PDE8B: variants seen among roughly 807,000 people sequenced by gnomAD.
The protein encoded by PDE8B is high affinity cAMP-specific and IBMX-insensitive 3',5'-cyclic phosphodiesterase 8B.
In PDE8B, 26 loss-of-function variants were observed where a neutral mutation model predicts 101.3. That is an observed-to-expected ratio of 0.26 (90% confidence interval 0.19 to 0.36). The LOEUF (loss-of-function observed/expected upper bound fraction) is 0.36. PDE8B is among the 10% of genes least tolerant of loss of function. The pLI is 1.00. For missense variants in PDE8B, 810 were observed against 1,163.1 expected (o/e 0.70, Z 4.42); for synonymous variants, 424 against 429.3 (o/e 0.99, Z 0.15).
intron 21 of PDE8B, 34 bp from the exon 22 acceptor site, chr5:77,426,411 A>C: frequency 2.1e-6 from 3 of 1,410,800 alleles, no homozygotes; most frequent in Non-Finnish European, 3.0e-6. Flanking sequence ...GTCTAAGTTC[A>C]CCGGTTTCTT....
chr5:77,282,980 G>A (rs900452367), intron 1 of PDE8B, among the ~76,000 whole-genome samples: 6 of 152,044 alleles, frequency 3.9e-5, no homozygotes, highest in African/African-American at 1.4e-4. Context: ...GCCCAGACCT[G>A]TCCAACCTGG....
the PDE8B span, among the ~76,000 whole-genome samples, chr5:77,102,689 C>A: frequency 6.6e-6 from 1 of 152,138 alleles, no homozygotes; most frequent in Non-Finnish European, 1.5e-5. Context: ...TAACAAAACC[C>A]TTGGGAGGCA....
the PDE8B span, among the ~76,000 whole-genome samples, chr5:77,097,732 T>TATATATATATATATATAC: frequency 6.1e-4 from 40 of 65,198 alleles, no homozygotes; most frequent in African/African-American, 1.5e-3. Context: ...TATATATATA[T>TATATATATATATATATAC]ACATACATAT....
intron 16 of PDE8B, 151 bp from the exon 17 acceptor site, chr5:77,412,960 C>A (rs1794848250): frequency 1.4e-6 from 1 of 713,354 alleles, no homozygotes. Flanking sequence ...AGAGATCCTA[C>A]CTCCTAATTT....
the PDE8B span, among the ~76,000 whole-genome samples, chr5:77,122,329 A>T: frequency 2.6e-5 from 4 of 152,224 alleles, no homozygotes; most frequent in Admixed American, 2.6e-4. Flanking sequence ...TCTTCATGGT[A>T]ATCAGAGTCG....
At chr5:77,152,821 G>C in the PDE8B span, among the ~76,000 whole-genome samples, 1 of 152,180 alleles carries the variant, frequency 6.6e-6, no homozygotes. Context: ...TTTCTTGAGA[G>C]GACTGAGTCT....
chr5:77,423,627 GTTTAGT>G (rs1344252028), intron 20 of PDE8B, among the ~76,000 whole-genome samples: 2 of 38,792 alleles, frequency 5.2e-5, no homozygotes, highest in African/African-American at 7.5e-5. Context: ...CTTTTGTTTT[GTTTAGT>G]TTTTTTTTTT....
At chr5:77,204,609 TATC>T in the PDE8B span, among the ~76,000 whole-genome samples, 194 of 152,280 alleles carry the variant, frequency 1.3e-3, 1 homozygote, top group Middle Eastern at 0.017. Flanking sequence ...CTTCCAGTGT[TATC>T]ATCCCTGCCT....
intron 10 of PDE8B, among the ~76,000 whole-genome samples, chr5:77,398,303 A>T: frequency 6.8e-6 from 1 of 147,048 alleles, no homozygotes. Flanking sequence ...TGTAATTCCT[A>T]ATCAAGCTGT....
At chr5:77,307,153 G>A (rs1233623316) in intron 1 of PDE8B, among the ~76,000 whole-genome samples, 2 of 152,030 alleles carry the variant, frequency 1.3e-5, no homozygotes, top group African/African-American at 4.8e-5. Context: ...TTCTCACACT[G>A]CAATCCAGCT....
intron 4 of PDE8B, among the ~76,000 whole-genome samples, chr5:77,329,802 T>C (rs1000539288): frequency 6.6e-6 from 1 of 152,206 alleles, no homozygotes; most frequent in African/African-American, 2.4e-5. Flanking sequence ...CTAGGACCTA[T>C]TGGATTTGGC....
the PDE8B span, among the ~76,000 whole-genome samples, chr5:77,110,103 A>T: frequency 6.6e-6 from 1 of 151,540 alleles, no homozygotes; most frequent in Admixed American, 6.6e-5. Context: ...ATGCCCCAGT[A>T]AGTTTTGTTT....
chr5:77,426,260 G>A (rs972718742), intron 21 of PDE8B, 185 bp from the exon 22 acceptor site: 1 of 636,632 alleles, frequency 1.6e-6, no homozygotes. Context: ...TCACTGATAA[G>A]CAGCTTTTCA....
chr5:77,187,078 C>T, the PDE8B span, among the ~76,000 whole-genome samples: 35 of 152,172 alleles, frequency 2.3e-4, no homozygotes, highest in Admixed American at 3.3e-4. Context: ...TACACAGTTT[C>T]AGCTTTTTAT....
intron 10 of PDE8B, 67 bp downstream of exon 10, chr5:77,353,473 T>C: frequency 1.1e-6 from 1 of 876,722 alleles, no homozygotes; most frequent in East Asian, 2.4e-5. Flanking sequence ...TCTCTGCTTA[T>C]CTCACCACTG....
In PDE8B at chr5:77,412,156, C is replaced by A. The variant is rs1431942658; in HGVS notation, c.1633C>A (p.Pro545Thr). Reference protein sequence around the residue: ...AMPITINDVPPCISQLLDNEE... With the variant: ...AMPITINDVPTCISQLLDNEE... The stretch of plus-strand genomic sequence containing the variant: ...GCCAATAACCATCAATGATGTTCCC[C>A]CTTGTATCTCTCAATTACTTGATAA... Residue 545 changes from proline (P) to threonine (T), a missense_variant, in exon 16 of 22, where the codon CCT becomes ACT. Physicochemically the swap from Pro to Thr is conservative, Grantham distance 38. Around this residue, in one of 4 missense-constraint regions of PDE8B, gnomAD observed 325 missense variants for 560.9 expected, o/e 0.58. Transcript: ENST00000264917. 1 of 1,613,546 alleles carries A rather than the reference C, an allele frequency of 6.2e-7. No homozygotes were observed. The highest frequency in any genetic ancestry group is 8.5e-7 in the Non-Finnish European group (1 of 1,179,572).
At chr5:77,247,657 A>G (rs1381054668) in intron 1 of PDE8B, among the ~76,000 whole-genome samples, 1 of 151,928 alleles carries the variant, frequency 6.6e-6, no homozygotes, top group Non-Finnish European at 1.5e-5. Flanking sequence ...GCAGCACAAT[A>G]CCCATCTTAC....
At chr5:77,135,605 T>A in the PDE8B span, among the ~76,000 whole-genome samples, 1 of 151,530 alleles carries the variant, frequency 6.6e-6, no homozygotes, top group Middle Eastern at 3.5e-3. Flanking sequence ...GTCTCCTGAG[T>A]AGCTGGGATT....
chr5:77,294,443 T>C (rs1018571331), intron 1 of PDE8B, among the ~76,000 whole-genome samples: 13 of 152,116 alleles, frequency 8.5e-5, no homozygotes, highest in Admixed American at 2.0e-4. Flanking sequence ...CAGGCTCCAG[T>C]TGGCAAACAG....
Sources: allele counts gnomAD v4.1 joint callset (sites outside exome capture counted in the v4.1 genomes callset), GRCh38; gene constraint gnomAD v4.1.1; regional missense constraint gnomAD v4.1.1; transcripts MANE v1.5; gene names NCBI Gene and HGNC (gene_info 2026-07-23, HGNC 2026-07-21).